Variants in ZFAND6 observed in about 807,000 individuals in gnomAD.
ZFAND6 encodes zinc finger AN1-type containing 6.
A neutral mutation model predicts 24.5 loss-of-function variants in ZFAND6; 12 were observed. That is an observed-to-expected ratio of 0.49 (90% CI 0.31 to 0.79). The LOEUF is 0.79. Among genes scored for constraint, ZFAND6 ranks in the 30% least tolerant of loss-of-function variants. The pLI is 0.04. For missense variants in ZFAND6, 207 were observed against 245.9 expected, an observed-to-expected ratio of 0.84 and a Z score of 1.06; for synonymous variants, 92 against 81.5, an observed-to-expected ratio of 1.13 and a Z score of -0.69.
At chr15:80,063,467 C>A (rs2141774175) in intron 1 of ZFAND6, among the ~76,000 whole-genome samples, 1 of 152,234 alleles carries the variant, frequency 6.6e-6, no homozygotes, top group South Asian at 2.1e-4. Flanking sequence ...TCTCAGCTCA[C>A]CGCAACCTCT....
chr15:80,136,243 GATCACAA>G (rs1303915072), intron 6 of ZFAND6, among the ~76,000 whole-genome samples: 29 of 152,128 alleles, frequency 1.9e-4, no homozygotes, highest in Non-Finnish European at 4.0e-4. Flanking sequence ...TAGGCAGGCA[GATCACAA>G]GGTCAGGAGA....
intron 1 of ZFAND6, among the ~76,000 whole-genome samples, chr15:80,063,970 G>T (rs1295463435): frequency 6.6e-6 from 1 of 152,206 alleles, no homozygotes; most frequent in Non-Finnish European, 1.5e-5. Context: ...TTACAGGCGT[G>T]AGCCACCATG....
chr15:80,103,305 A>T (rs560976720), intron 2 of ZFAND6, among the ~76,000 whole-genome samples: 5 of 152,336 alleles, frequency 3.3e-5, no homozygotes, highest in African/African-American at 4.8e-5. Context: ...CATAATAGTG[A>T]GTAGACATTT....
chr15:80,104,359 C>G (rs989543575), intron 2 of ZFAND6, among the ~76,000 whole-genome samples: 2 of 152,172 alleles, frequency 1.3e-5, no homozygotes, highest in African/African-American at 2.4e-5. Flanking sequence ...CCCGTCTCTT[C>G]TAAAAATACA....
intron 5 of ZFAND6, among the ~76,000 whole-genome samples, chr15:80,126,148 G>T (rs2040361927): frequency 6.6e-6 from 1 of 152,196 alleles, no homozygotes; most frequent in South Asian, 2.1e-4. Context: ...GTGACAGGAT[G>T]AACTAGAATT....
chr15:80,113,937 AG>A (rs1304683606), intron 2 of ZFAND6, among the ~76,000 whole-genome samples: 1 of 152,010 alleles, frequency 6.6e-6, no homozygotes, highest in East Asian at 1.9e-4. Context: ...GTGGTCAGAA[AG>A]GGGCCCAGAA....
intron 3 of ZFAND6, among the ~76,000 whole-genome samples, chr15:80,121,319 A>T (rs186494292): frequency 1.3e-5 from 2 of 152,234 alleles, no homozygotes; most frequent in African/African-American, 4.8e-5. Flanking sequence ...GTCATCATCT[A>T]CATTTATAAC....
Position 80,121,535 on chromosome 15 carries a change from A to G in ZFAND6, c.155-177A>G, listed in dbSNP as rs967631177. On this transcript the variant is annotated intron_variant, in intron 3 of 6. Coordinates refer to ENST00000261749, the MANE Select transcript of ZFAND6 (RefSeq NM_019006.4). Reference sequence around the variant, plus strand: ...GTTTCCTTCTTGGTTTAAAATTAACATATTTTTCACTGGCAAACCGTTGAA... The same window carrying G: ...GTTTCCTTCTTGGTTTAAAATTAACGTATTTTTCACTGGCAAACCGTTGAA... Among the ~76,000 whole-genome samples the G allele has an allele frequency of 5.3e-5, 8 of 152,216 alleles. No homozygotes were observed. The East Asian group carries it at 5.8e-4, about 11-fold the overall frequency.
Position 80,127,608 on chromosome 15 carries a change from A to G in ZFAND6, c.365-3572A>G, listed in dbSNP as rs202134355. 0.02 allele frequency among the ~76,000 whole-genome samples: 2,984 copies of G among 151,224 alleles called. 237 individuals are homozygous for G. In the East Asian group the frequency reaches 0.22, roughly 11 times the overall value. ...CCATCTCAAAAAAAAAAAAAAAAAA[A>G]AAAAAAACCATGCTCAACTTCATTA... On this transcript the variant is annotated intron_variant, in intron 5 of 6. Transcript: ENST00000261749.
intron 1 of ZFAND6, among the ~76,000 whole-genome samples, chr15:80,077,022 T>C (rs1240385959): frequency 1.3e-5 from 2 of 152,168 alleles, no homozygotes; most frequent in Non-Finnish European, 2.9e-5. Context: ...AAAGTAAAGG[T>C]AGTTTTCCTT....
intron 5 of ZFAND6, among the ~76,000 whole-genome samples, chr15:80,126,491 A>G (rs1163098323): frequency 6.6e-6 from 1 of 152,210 alleles, no homozygotes; most frequent in African/African-American, 2.4e-5. Flanking sequence ...CTCTTATTAT[A>G]TTTATGGGCC....
At chr15:80,070,497 A>G (rs898507755) in intron 1 of ZFAND6, among the ~76,000 whole-genome samples, 1 of 152,210 alleles carries the variant, frequency 6.6e-6, no homozygotes, top group Admixed American at 6.5e-5. Flanking sequence ...TGATTTAGAA[A>G]TGAAATAAGC....
chr15:80,131,276 A>G lies in ZFAND6; in HGVS notation c.461A>G (p.Lys154Arg), dbSNP rs1394761608. 1 of 1,613,242 alleles carries G rather than the reference A, an allele frequency of 6.2e-7. No homozygotes were observed. Among genetic ancestry groups the G allele is most frequent in the Non-Finnish European group, 8.5e-7 (1 of 1,179,532 alleles). The change falls in exon 6 of 7, where the codon AAG becomes AGG. Residue 154 changes from lysine (K) to arginine (R), a missense_variant. Coordinates refer to ENST00000261749, the MANE Select transcript of ZFAND6 (RefSeq NM_019006.4). ...QKKNRCFMCR[K>R]KVGLTGFECR... ...AAGAATCGCTGTTTCATGTGCAGGAAGAAAGTGGGACTTACTGGTAAGGAC... is the reference window on the plus strand; with the variant it reads ...AAGAATCGCTGTTTCATGTGCAGGAGGAAAGTGGGACTTACTGGTAAGGAC...
At chr15:80,074,888 A>C (rs12592217) in intron 1 of ZFAND6, among the ~76,000 whole-genome samples, 5,198 of 152,126 alleles carry the variant, frequency 0.034, 283 homozygotes, top group East Asian at 0.22. Context: ...TAAGACAATC[A>C]TATTTTTTCT....
At chr15:80,093,323 CT>C (rs2038505775) in intron 1 of ZFAND6, among the ~76,000 whole-genome samples, 1 of 151,960 alleles carries the variant, frequency 6.6e-6, no homozygotes, top group South Asian at 2.1e-4. Flanking sequence ...TCTTTAGGAA[CT>C]TGAATTATTT....
intron 1 of ZFAND6, among the ~76,000 whole-genome samples, chr15:80,089,875 C>A (rs963617488): frequency 6.6e-6 from 1 of 152,154 alleles, no homozygotes; most frequent in Non-Finnish European, 1.5e-5. Flanking sequence ...GAGTATCAGT[C>A]TACTTGTGAC....
Position 80,137,565 on chromosome 15 carries a change from T to A in ZFAND6, c.564T>A (p.Asp188Glu). 1.2e-6 allele frequency: 2 copies of A among 1,605,840 alleles called. No individual in the cohort carries two copies. Among genetic ancestry groups the A allele is most frequent in the African/African-American group, 1.3e-5 (1 of 74,486 alleles). The part of the protein sequence containing the change: ...VHNCSYNYKA[D>E]AAEKIRKENP... ...ATTGCTCTTACAATTACAAAGCCGA[T>A]GCTGCTGAGAAAATCAGAAAAGAAA... Residue 188 changes from aspartate (D) to glutamate (E), a missense_variant, in exon 7 of 7, where the codon GAT (aspartate) becomes GAA (glutamate). Asp to Glu is a conservative substitution (Grantham distance 45). This residue lies in a region of ZFAND6 where 45 missense variants were observed against 67.7 expected (regional missense o/e 0.66). Coordinates refer to ENST00000261749, the MANE Select transcript of ZFAND6 (RefSeq NM_019006.4).
rs149756891 is a variant in ZFAND6 at position 80,065,537 on chromosome 15, A to ATTTTTTTTTTTTTTTTTT, written c.-181+5736_-181+5753dup. ...GGGCTTCAAATTAGTTTTGGTTTTG[A>ATTTTTTTTTTTTTTTTTT]TTTTTTTTTTTTTTTTTTTTTTTTT... On this transcript the variant is annotated intron_variant, in intron 1 of 6. Coordinates refer to ENST00000261749, the MANE Select transcript of ZFAND6 (RefSeq NM_019006.4). Among the ~76,000 whole-genome samples the ATTTTTTTTTTTTTTTTTT allele has an allele frequency of 1.3e-4, 10 of 76,496 alleles. 1 individual carries two copies. Among genetic ancestry groups the ATTTTTTTTTTTTTTTTTT allele is most frequent in the African/African-American group, 2.6e-4 (5 of 18,956 alleles). The allele number at this position is 76,496 out of a possible 152,430, so 50.2% of individuals were successfully genotyped here.
At chr15:80,072,995 C>A (rs750681064) in intron 1 of ZFAND6, among the ~76,000 whole-genome samples, 1 of 151,818 alleles carries the variant, frequency 6.6e-6, no homozygotes, top group Admixed American at 6.6e-5. Flanking sequence ...TTTGATATGT[C>A]ATTTTCCTTA....
Sources: allele counts gnomAD v4.1 joint callset (sites outside exome capture counted in the v4.1 genomes callset), GRCh38; gene constraint gnomAD v4.1.1; regional missense constraint gnomAD v4.1.1; transcripts MANE v1.5; gene names NCBI Gene and HGNC (gene_info 2026-07-23, HGNC 2026-07-21).